The following PLEKHM3 variants were observed in gnomAD, a reference collection of about 807,000 sequenced individuals.
PLEKHM3 encodes the protein pleckstrin homology domain-containing family M member 3.
A neutral mutation model predicts 81.8 loss-of-function variants in PLEKHM3; 45 were observed. The ratio of observed to expected loss-of-function variants is 0.55; its 90% CI spans 0.43 to 0.71. The LOEUF is 0.71. Among genes scored for constraint, PLEKHM3 ranks in the 30% least tolerant of loss-of-function variants. PLEKHM3 has a pLI of 0.00. For missense variants in PLEKHM3, 788 were observed against 924.3 expected (o/e 0.85, Z 1.91); for synonymous variants, 352 against 356.4 (o/e 0.99, Z 0.14).
chr2:207,880,762 C>CAAAA (rs61384566), intron 6 of PLEKHM3, among the ~76,000 whole-genome samples: 1 of 6,966 alleles, frequency 1.4e-4, no homozygotes, highest in African/African-American at 2.7e-4. Flanking sequence ...GACTCTGTCT[C>CAAAA]AAAAAAAAAA....
At chr2:208,008,908 T>C (rs1265290093) in intron 1 of PLEKHM3, among the ~76,000 whole-genome samples, 1 of 152,256 alleles carries the variant, frequency 6.6e-6, no homozygotes, top group Non-Finnish European at 1.5e-5. Flanking sequence ...ATATTCACGC[T>C]GTTCAAATTT....
intron 5 of PLEKHM3, among the ~76,000 whole-genome samples, chr2:207,920,886 G>C (rs1337085316): frequency 6.6e-6 from 1 of 152,042 alleles, no homozygotes; most frequent in Non-Finnish European, 1.5e-5. Context: ...GGTTCTCCAC[G>C]GCTGATCAAG....
chr2:207,979,800 C>G (rs1476010818), intron 2 of PLEKHM3, among the ~76,000 whole-genome samples: 2 of 151,994 alleles, frequency 1.3e-5, no homozygotes, highest in Non-Finnish European at 2.9e-5. Context: ...AAATAGCAAA[C>G]CAAAAGAGAA....
At chr2:207,881,586 C>T (rs1230949847) in intron 6 of PLEKHM3, among the ~76,000 whole-genome samples, 2 of 152,200 alleles carry the variant, frequency 1.3e-5, no homozygotes, top group Non-Finnish European at 2.9e-5. Flanking sequence ...ATGTGTGCTT[C>T]CCAAATTCTC....
At chr2:207,869,303 G>A (rs113535081) in intron 6 of PLEKHM3, among the ~76,000 whole-genome samples, 25 of 152,244 alleles carry the variant, frequency 1.6e-4, no homozygotes, top group African/African-American at 4.8e-4. Context: ...GCATGTCTAC[G>A]TGAACAAAAT....
intron 2 of PLEKHM3, among the ~76,000 whole-genome samples, chr2:207,981,253 T>C (rs1691514574): frequency 6.6e-6 from 1 of 152,166 alleles, no homozygotes; most frequent in Admixed American, 6.5e-5. Flanking sequence ...CTTATTAATA[T>C]ATTGTGTATG....
intron 6 of PLEKHM3, among the ~76,000 whole-genome samples, chr2:207,866,905 T>C (rs2092504502): frequency 6.6e-6 from 1 of 152,248 alleles, no homozygotes; most frequent in African/African-American, 2.4e-5. Flanking sequence ...TTGTACTCTT[T>C]GCTTTTAACA....
intron 6 of PLEKHM3, among the ~76,000 whole-genome samples, chr2:207,862,205 T>A (rs1318290010): frequency 6.6e-6 from 1 of 152,242 alleles, no homozygotes; most frequent in Admixed American, 6.5e-5. Flanking sequence ...TCTCTCTAAT[T>A]AATGCAGACA....
At chr2:207,957,004 G>A (rs1457413777) in intron 3 of PLEKHM3, among the ~76,000 whole-genome samples, 1 of 152,062 alleles carries the variant, frequency 6.6e-6, no homozygotes, top group Non-Finnish European at 1.5e-5. Context: ...GAAGGAGATA[G>A]CATGGGGACA....
chr2:207,892,343 C>T (rs1688085055), intron 6 of PLEKHM3, among the ~76,000 whole-genome samples: 1 of 152,216 alleles, frequency 6.6e-6, no homozygotes, highest in Non-Finnish European at 1.5e-5. Context: ...TTACCATACA[C>T]ATCCATACCA....
At chr2:207,886,228 C>A (rs1279716895) in intron 6 of PLEKHM3, among the ~76,000 whole-genome samples, 1 of 152,086 alleles carries the variant, frequency 6.6e-6, no homozygotes, top group Non-Finnish European at 1.5e-5. Flanking sequence ...AAACTCCATC[C>A]CAGATGAGCC....
At chr2:208,005,680 C>T (rs1379661273) in intron 1 of PLEKHM3, among the ~76,000 whole-genome samples, 1 of 152,128 alleles carries the variant, frequency 6.6e-6, no homozygotes, top group Non-Finnish European at 1.5e-5. Context: ...TTCTAACATA[C>T]CATTTAATTG....
chr2:207,952,344 G>A (rs1690355525), intron 3 of PLEKHM3, among the ~76,000 whole-genome samples: 1 of 152,204 alleles, frequency 6.6e-6, no homozygotes, highest in South Asian at 2.1e-4. Context: ...GTGAGCTGCA[G>A]TAAGCACTGT....
intron 6 of PLEKHM3, among the ~76,000 whole-genome samples, chr2:207,885,292 A>G (rs913761040): frequency 6.6e-6 from 1 of 152,196 alleles, no homozygotes; most frequent in African/African-American, 2.4e-5. Flanking sequence ...AACTCAGACA[A>G]TTATATATCC....
At chr2:207,921,334 A>G (rs1689175601) in intron 5 of PLEKHM3, among the ~76,000 whole-genome samples, 2 of 152,206 alleles carry the variant, frequency 1.3e-5, no homozygotes, top group South Asian at 4.1e-4. Context: ...GGCGTGAGCC[A>G]CTGCACCTGG....
intron 5 of PLEKHM3, among the ~76,000 whole-genome samples, chr2:207,925,506 T>G (rs1474419788): frequency 6.6e-6 from 1 of 152,190 alleles, no homozygotes; most frequent in Non-Finnish European, 1.5e-5. Context: ...AATCCCTGAA[T>G]CCTCGCACTT....
chr2:207,995,007 A>G (rs773674098), intron 2 of PLEKHM3, among the ~76,000 whole-genome samples: 8 of 152,218 alleles, frequency 5.3e-5, no homozygotes, highest in Non-Finnish European at 1.0e-4. Flanking sequence ...CTGCGCGTGT[A>G]TCACAGAACT....
chr2:207,958,317 G>A (rs1424876775), intron 3 of PLEKHM3, among the ~76,000 whole-genome samples: 2 of 151,612 alleles, frequency 1.3e-5, no homozygotes, highest in Non-Finnish European at 2.9e-5. Context: ...TAATCTTGGT[G>A]AAACACTGCT....
chr2:207,833,392 G>A (rs915657803), intron 7 of PLEKHM3, among the ~76,000 whole-genome samples: 5 of 152,146 alleles, frequency 3.3e-5, no homozygotes, highest in African/African-American at 1.2e-4. Flanking sequence ...GTTGGATGTT[G>A]CTGTACATCA....
Sources: allele counts gnomAD v4.1 joint callset (sites outside exome capture counted in the v4.1 genomes callset), GRCh38; gene constraint gnomAD v4.1.1; transcripts MANE v1.5; gene names NCBI Gene and HGNC (gene_info 2026-07-23, HGNC 2026-07-21).